Variants in RNF123 observed in about 807,000 individuals in gnomAD.
RNF123 encodes ring finger protein 123.
A neutral mutation model predicts 168.5 loss-of-function variants in RNF123; 86 were observed. That is an observed-to-expected ratio of 0.51 (90% CI 0.43 to 0.61). The LOEUF is 0.61. Among genes scored for constraint, RNF123 ranks in the 20% least tolerant of loss-of-function variants. RNF123 has a pLI of 0.00. For missense variants in RNF123, 1,419 were observed against 1,729.7 expected (o/e 0.82, Z 3.19); for synonymous variants, 666 against 689.1 (o/e 0.97, Z 0.52).
intron 26 of RNF123, among the ~76,000 whole-genome samples, chr3:49,708,505 C>T (rs1343608746): frequency 3.6e-5 from 5 of 139,742 alleles, no homozygotes; most frequent in African/African-American, 1.3e-4. Context: ...CAGCGGCTCA[C>T]AGACCCCCAG....
intron 8 of RNF123, 100 bp from the exon 9 acceptor site, chr3:49,698,655 T>C (rs974781681): frequency 3.3e-6 from 5 of 1,538,168 alleles, no homozygotes; most frequent in Non-Finnish European, 3.6e-6. Flanking sequence ...TTTGTCCTTG[T>C]GGCTAGTCTC....
Position 49,721,103 on chromosome 3 carries a change from CAAGT to C in RNF123, c.3824+3_3824+6del. 1.9e-6 allele frequency: 3 copies of C among 1,613,860 alleles called. No individual in the cohort carries two copies. The highest frequency in any genetic ancestry group is 2.5e-6 in the Non-Finnish European group (3 of 1,179,830). On this transcript the variant is annotated splice_donor_variant and coding_sequence_variant, in exon 38 of 39. Transcript: ENST00000327697. LOFTEE classifies it high-confidence loss of function. ...TCCAGCCCTGTGGCCACAAGTCCTG[CAAGT>C]AAGTGGGCCCCACAGCTTGGTGGTG...
rs146610954 is a variant in RNF123 at position 49,698,490 on chromosome 3, G to A, written c.534G>A (p.Val178=). 12 of 1,613,862 alleles carry A rather than the reference G, an allele frequency of 7.4e-6. No homozygotes were observed. Among genetic ancestry groups the A allele is most frequent in the African/African-American group, 1.3e-5 (1 of 74,928 alleles). Residue 178 remains valine, a synonymous_variant, in exon 8 of 39, where the codon GTG becomes GTA. Coordinates refer to ENST00000327697, the MANE Select transcript of RNF123 (RefSeq NM_022064.5). ...HNSYAYDGNR[V]RKWNVTTTNY... ...CCTATGCCTATGATGGCAACCGCGT[G>A]CGCAAGTGGAATGTGACCACAACGA...
In RNF123 at chr3:49,698,089, G is replaced by T; in HGVS notation, c.435G>T (p.Gly145=). The T allele has an allele frequency of 6.2e-7, 1 of 1,614,040 alleles. No individual in the cohort carries two copies. Among genetic ancestry groups the T allele is most frequent in the Non-Finnish European group, 8.5e-7 (1 of 1,179,994 alleles). ...ACGAGGTCCTCATCTCCTCCCAGGG[G>T]CTCATGCAGATCGGCTGGTGCACCA... is the stretch of plus-strand genomic sequence containing the variant. The part of the protein sequence containing the change: ...WLYEVLISSQ[G]LMQIGWCTIS... Residue 145 remains glycine (G), a synonymous_variant, in exon 7 of 39, where the codon GGG becomes GGT. Coordinates refer to ENST00000327697, the MANE Select transcript of RNF123 (RefSeq NM_022064.5).
intron 9 of RNF123, 51 bp from the exon 10 acceptor site, chr3:49,698,929 G>A (rs2108180653): frequency 6.2e-7 from 1 of 1,608,934 alleles, no homozygotes; most frequent in Non-Finnish European, 8.5e-7. Flanking sequence ...TAGCCTGAGG[G>A]TGGGCAGCCA....
Position 49,715,919 on chromosome 3 carries a change from G to C in RNF123, c.3248G>C (p.Arg1083Pro), listed in dbSNP as rs1337238409. The change falls in exon 33 of 39, where the codon CGT (arginine) becomes CCT (proline). Residue 1083 changes from arginine to proline, a missense_variant. Physicochemically the swap from Arg to Pro is moderately radical, Grantham distance 103. This residue lies in a region of RNF123 where 538 missense variants were observed against 708.8 expected (regional missense o/e 0.76). Transcript: ENST00000327697. ...TTTGACCTCTCGGTCAGCCTGCTGC[G>C]TGTCTTGGAGATGACTATCACACTG... ...TCFDLSVSLL[R>P]VLEMTITLVP... The C allele has an allele frequency of 1.2e-6, 2 of 1,614,096 alleles. No individual in the cohort carries two copies. The highest frequency in any genetic ancestry group is 1.7e-6 in the Non-Finnish European group (2 of 1,180,048).
intron 3 of RNF123, among the ~76,000 whole-genome samples, chr3:49,694,779 C>G (rs1161082901): frequency 6.6e-6 from 1 of 152,202 alleles, no homozygotes; most frequent in Non-Finnish European, 1.5e-5. Context: ...TGCCCACCCC[C>G]ACCCCATACT....
intron 26 of RNF123, among the ~76,000 whole-genome samples, chr3:49,711,028 T>C (rs1328688065): frequency 6.6e-6 from 1 of 151,944 alleles, no homozygotes; most frequent in Admixed American, 6.6e-5. Flanking sequence ...AAGCCAAGAG[T>C]TCATGACCAG....
At chr3:49,719,139 G>A in intron 35 of RNF123, 1 of 1,613,592 alleles carries the variant, frequency 6.2e-7, no homozygotes, top group Non-Finnish European at 8.5e-7. Flanking sequence ...GCCTCAGGCC[G>A]CTGGCGTTGA....
chr3:49,699,785 G>A lies in RNF123; in HGVS notation c.984+13G>A. On this transcript the variant is annotated intron_variant, in intron 12 of 38. Coordinates refer to ENST00000327697, the MANE Select transcript of RNF123 (RefSeq NM_022064.5). This position sits in a 1 kb window ranked among gnomAD's most constrained non-coding sequence, Gnocchi z 4.8. ...TGCACCGCTTCTGGTGAGCGGCATT[G>A]GGAGGGGCATGGGAGGGGAGGAGAC... 5 of 1,611,488 alleles carry A rather than the reference G, an allele frequency of 3.1e-6. No individual in the cohort carries two copies. Among genetic ancestry groups the A allele is most frequent in the Non-Finnish European group, 4.2e-6 (5 of 1,178,784 alleles).
chr3:49,705,476 C>A (rs372914999), intron 23 of RNF123, 58 bp from the exon 24 acceptor site: 1 of 1,527,462 alleles, frequency 6.5e-7, no homozygotes. Context: ...TGCTGTGAGG[C>A]AGGCTCAGGA....
intron 35 of RNF123, chr3:49,719,056 T>G (rs755173345): frequency 1.2e-6 from 2 of 1,613,838 alleles, no homozygotes; most frequent in South Asian, 1.1e-5. Context: ...CAGAAGCAGC[T>G]TCTCCAGCGC....
In RNF123 at chr3:49,706,007, A is replaced by T. The variant is rs571655838; in HGVS notation, c.2330A>T (p.Asn777Ile). The T allele has an allele frequency of 2.5e-6, 4 of 1,614,010 alleles. No homozygotes were observed. Among genetic ancestry groups the T allele is most frequent in the Admixed American group, 1.7e-5 (1 of 60,006 alleles). Residue 777 changes from asparagine to isoleucine, a missense_variant, in exon 25 of 39, where the codon AAT becomes ATT. Asn to Ile is a moderately radical substitution (Grantham distance 149). Coordinates refer to ENST00000327697, the MANE Select transcript of RNF123 (RefSeq NM_022064.5). ...ATGGTGGGTGTCTCCGATGATGTCAATGAATACGCTATGGCTCTGAGGGAC... is the reference window on the plus strand; with the variant it reads ...ATGGTGGGTGTCTCCGATGATGTCATTGAATACGCTATGGCTCTGAGGGAC... The part of the protein sequence containing the change: ...GKMVGVSDDV[N>I]EYAMALRDTE...
chr3:49,714,237 G>T lies in RNF123; in HGVS notation c.3010+63G>T, dbSNP rs540885028. 1.3e-5 allele frequency: 19 copies of T among 1,459,122 alleles called. No individual in the cohort carries two copies. In the African/African-American group the frequency reaches 2.4e-4, roughly 18 times the overall value. The allele number at this position is 1,459,122 out of a possible 1,614,324, so 90.4% of individuals were successfully genotyped here. On this transcript the variant is annotated intron_variant, in intron 31 of 38. Transcript: ENST00000327697. The stretch of plus-strand genomic sequence containing the variant: ...GCGGGGGCGCTTACCTCCTACCCAT[G>T]GGTTCTTTCAGACTCTCCACTTCTT...
chr3:49,700,307 G>A lies in RNF123; in HGVS notation c.1065G>A (p.Gln355=). 1 of 1,614,248 alleles carries A rather than the reference G, an allele frequency of 6.2e-7. No homozygotes were observed. The highest frequency in any genetic ancestry group is 8.5e-7 in the Non-Finnish European group (1 of 1,180,034). Residue 355 remains glutamine, a synonymous_variant, in exon 13 of 39, where the codon CAG becomes CAA. Coordinates refer to ENST00000327697, the MANE Select transcript of RNF123 (RefSeq NM_022064.5). ...IVEKGTPTQA[Q]SVVHQVLDLL... is the part of the protein sequence containing the mutation. ...AGAAGGGCACACCCACACAGGCACAGTCCGTGGTGCACCAGGTCCTGGACC... is the reference window on the plus strand; with the variant it reads ...AGAAGGGCACACCCACACAGGCACAATCCGTGGTGCACCAGGTCCTGGACC...
chr3:49,706,153 C>A, intron 25 of RNF123, 88 bp downstream of exon 25: 3 of 1,198,930 alleles, frequency 2.5e-6, no homozygotes, highest in Non-Finnish European at 3.7e-6. Flanking sequence ...GCTGCCCTGG[C>A]AGTTCTCATC....
In RNF123 at chr3:49,720,496, C is replaced by T. The variant is rs1300870982; in HGVS notation, c.3501-15C>T. The T allele has an allele frequency of 5.8e-6, 9 of 1,544,338 alleles. No homozygotes were observed. The Admixed American group carries it at 1.2e-4, about 20-fold the overall frequency. Reference sequence around the variant, plus strand: ...CCCAAGCCTTCTGACTGCCCTTGCACCCTCCCCTACCTAGGAGAGAGCAAG... The same window carrying T: ...CCCAAGCCTTCTGACTGCCCTTGCATCCTCCCCTACCTAGGAGAGAGCAAG... On this transcript the variant is annotated splice_polypyrimidine_tract_variant and intron_variant, in intron 35 of 38. Transcript: ENST00000327697.
intron 27 of RNF123, 160 bp from the exon 28 acceptor site, chr3:49,713,353 A>G: frequency 3.0e-6 from 2 of 661,424 alleles, no homozygotes; most frequent in Non-Finnish European, 5.3e-6. Context: ...CACAGCCACC[A>G]ATGAATGCTT....
intron 1 of RNF123, among the ~76,000 whole-genome samples, chr3:49,690,045 CA>C: frequency 6.6e-6 from 1 of 152,220 alleles, no homozygotes; most frequent in Non-Finnish European, 1.5e-5. Context: ...CATGGACGCC[CA>C]CCGAGGGCCC....
Sources: gnomAD v4.1 joint callset for allele counts (sites outside exome capture counted in the v4.1 genomes callset) on GRCh38, gnomAD v4.1.1 for gene constraint, gnomAD v4.1.1 regional missense constraint, Gnocchi (gnomAD v3.1) non-coding constraint, MANE v1.5 for transcripts, NCBI Gene and HGNC (gene_info 2026-07-23, HGNC 2026-07-21) for gene names.